EP300: variants seen among roughly 807,000 people sequenced by gnomAD.
EP300 encodes EP300 lysine acetyltransferase.
Under a neutral mutation model 264.0 loss-of-function variants are expected in EP300, and 31 were observed. That is an observed-to-expected ratio of 0.12 (90% confidence interval 0.09 to 0.16). The LOEUF (loss-of-function observed/expected upper bound fraction) is 0.16. EP300 is among the 10% of genes least tolerant of loss of function. The probability of loss-of-function intolerance (pLI) is 1.00; values close to 1 mark genes in which losing one functional copy is unlikely to be tolerated. For missense variants in EP300, 2,766 were observed against 3,052.9 expected (o/e 0.91, Z 2.21); for synonymous variants, 1,340 against 1,045.4 (o/e 1.28, Z -5.44).
intron 6 of EP300, among the ~76,000 whole-genome samples, chr22:41,132,949 A>T (rs913773434): frequency 6.6e-6 from 1 of 152,210 alleles, no homozygotes; most frequent in African/African-American, 2.4e-5. Flanking sequence ...AAAATCAAAC[A>T]GCTTTTTTCT....
rs2059135828 is a variant in EP300 at position 41,166,587 on chromosome 22, G to T, written c.3807-12G>T. The stretch of plus-strand genomic sequence containing the variant: ...TCTAAGTTGTGTAAGCAAAGTTTTG[G>T]TTTACATTTAGATTCGTCTGTGATG... On this transcript the variant is annotated splice_polypyrimidine_tract_variant and intron_variant, in intron 22 of 30. Coordinates refer to ENST00000263253, the MANE Select transcript of EP300 (RefSeq NM_001429.4). 5.6e-6 allele frequency: 9 copies of T among 1,611,314 alleles called. No individual in the cohort carries two copies. Among genetic ancestry groups the T allele is most frequent in the Non-Finnish European group, 7.6e-6 (9 of 1,178,094 alleles).
chr22:41,157,482 G>T, intron 18 of EP300, 74 bp downstream of exon 18: 21 of 982,480 alleles, frequency 2.1e-5, no homozygotes, highest in Middle Eastern at 2.7e-4. Context: ...ACTGGGATAA[G>T]AGAATATCCT....
At chr22:41,149,296 A>G in intron 13 of EP300, 121 bp downstream of exon 13, 1 of 1,205,546 alleles carries the variant, frequency 8.3e-7, no homozygotes, top group South Asian at 1.3e-5. Context: ...TTTAAAAAAT[A>G]ACAATTTTGG....
chr22:41,139,595 T>TA (rs1350038527), intron 8 of EP300, among the ~76,000 whole-genome samples: 1 of 152,214 alleles, frequency 6.6e-6, no homozygotes, highest in African/African-American at 2.4e-5. Flanking sequence ...TCATAAGAGA[T>TA]ACTAGTGCAA....
intron 1 of EP300, among the ~76,000 whole-genome samples, chr22:41,099,955 G>A (rs754432544): frequency 4.6e-5 from 7 of 152,178 alleles, no homozygotes; most frequent in South Asian, 2.1e-4. Flanking sequence ...TGTGGCTCAC[G>A]CCTGTAATCC....
chr22:41,131,599 G>C lies in EP300; in HGVS notation c.1494G>C (p.Gln498His). The change falls in exon 6 of 31, where the codon CAG (glutamine) becomes CAC (histidine). Residue 498 changes from glutamine to histidine, a missense_variant. Physicochemically the swap from Gln to His is conservative, Grantham distance 24. Coordinates refer to ENST00000263253, the MANE Select transcript of EP300 (RefSeq NM_001429.4). Reference protein sequence around the residue: ...AKNQQNQQPGQSPQGMRPMSN... With the variant: ...AKNQQNQQPGHSPQGMRPMSN... ...ACCAGCAGAATCAGCAGCCTGGGCA[G>C]TCTCCCCAAGGCATGCGGCCCATGA... 1 of 1,614,120 alleles carries C rather than the reference G, an allele frequency of 6.2e-7. No homozygotes were observed.
chr22:41,134,645 C>T (rs1410274850), intron 6 of EP300, among the ~76,000 whole-genome samples: 1 of 152,080 alleles, frequency 6.6e-6, no homozygotes, highest in African/African-American at 2.4e-5. Flanking sequence ...TCGCCTGCCT[C>T]GACCTCCCAA....
intron 23 of EP300, among the ~76,000 whole-genome samples, chr22:41,167,167 T>A (rs1370060782): frequency 6.6e-6 from 1 of 152,198 alleles, no homozygotes; most frequent in Non-Finnish European, 1.5e-5. Flanking sequence ...CCAGCTAATT[T>A]TTGTAATTTA....
chr22:41,098,219 C>G (rs2058712617), intron 1 of EP300, among the ~76,000 whole-genome samples: 1 of 151,966 alleles, frequency 6.6e-6, no homozygotes, highest in Non-Finnish European at 1.5e-5. Context: ...ACGGTAGTTT[C>G]ATTTTGAAAT....
At chr22:41,121,302 A>C (rs2058850976) in intron 2 of EP300, among the ~76,000 whole-genome samples, 1 of 152,190 alleles carries the variant, frequency 6.6e-6, no homozygotes, top group South Asian at 2.1e-4. Context: ...TCTGGAGCAT[A>C]TTAGCTATGG....
chr22:41,152,019 G>T lies in EP300; in HGVS notation c.2997+7G>T. On this transcript the variant is annotated splice_region_variant and intron_variant, in intron 15 of 30. Transcript: ENST00000263253. ...GCCGGAGGATATTTCAGAGGTGAGA[G>T]TAGGGCAATTACTGTTTGATTTGGT... 1 of 1,614,178 alleles carries T rather than the reference G, an allele frequency of 6.2e-7. No individual in the cohort carries two copies. Among genetic ancestry groups the T allele is most frequent in the Non-Finnish European group, 8.5e-7 (1 of 1,180,012 alleles).
intron 16 of EP300, among the ~76,000 whole-genome samples, chr22:41,154,342 G>GCAT (rs2059063966): frequency 7.1e-6 from 1 of 141,806 alleles, no homozygotes. Flanking sequence ...TTGCTTGACT[G>GCAT]CATCTCCCTC....
Position 41,152,015 on chromosome 22 carries a change from G to A in EP300, c.2997+3G>A, listed in dbSNP as rs1395035300. ...CTCAGCCGGAGGATATTTCAGAGGT[G>A]AGAGTAGGGCAATTACTGTTTGATT... On this transcript the variant is annotated splice_donor_region_variant and intron_variant, in intron 15 of 30. Transcript: ENST00000263253. 1 of 1,614,060 alleles carries A rather than the reference G, an allele frequency of 6.2e-7. No individual in the cohort carries two copies. Among genetic ancestry groups the A allele is most frequent in the African/African-American group, 1.3e-5 (1 of 74,920 alleles).
chr22:41,165,643 G>C (rs756827309), intron 22 of EP300, among the ~76,000 whole-genome samples: 1 of 152,146 alleles, frequency 6.6e-6, no homozygotes, highest in African/African-American at 2.4e-5. Context: ...GGCTGGTCTT[G>C]AACTCCCGAC....
chr22:41,149,497 A>T (rs566169774), intron 13 of EP300, among the ~76,000 whole-genome samples: 2 of 152,098 alleles, frequency 1.3e-5, no homozygotes, highest in African/African-American at 4.8e-5. Flanking sequence ...GCCCTAGAGC[A>T]CTCTGCACTC....
chr22:41,132,573 T>C (rs11912447), intron 6 of EP300, among the ~76,000 whole-genome samples: 13,245 of 152,026 alleles, frequency 0.087, 1,738 homozygotes, highest in African/African-American at 0.28. Context: ...AGGCGTGAGC[T>C]ACTGCACCCG....
intron 1 of EP300, among the ~76,000 whole-genome samples, chr22:41,098,722 G>T (rs912334347): frequency 6.6e-6 from 1 of 152,160 alleles, no homozygotes; most frequent in Non-Finnish European, 1.5e-5. Context: ...GTACTGAAAA[G>T]AGTAAGAGAG....
Position 41,126,014 on chromosome 22 carries a change from G to A in EP300, c.880G>A (p.Val294Ile), listed in dbSNP as rs751473003. Residue 294 changes from valine (V) to isoleucine (I), a missense_variant, in exon 3 of 31, where the codon GTT (valine) becomes ATT (isoleucine). Transcript: ENST00000263253. ...LSPFAMDKKA[V>I]PGGGMPNMGQ... The stretch of plus-strand genomic sequence containing the variant: ...TCCATTTGCTATGGACAAAAAGGCA[G>A]TTCCTGGTGGAGGAATGCCCAACAT... The A allele has an allele frequency of 6.2e-7, 1 of 1,614,038 alleles. No individual in the cohort carries two copies. Among genetic ancestry groups the A allele is most frequent in the African/African-American group, 1.3e-5 (1 of 74,906 alleles).
At chr22:41,129,393 C>G (rs990915641) in intron 4 of EP300, among the ~76,000 whole-genome samples, 1 of 152,148 alleles carries the variant, frequency 6.6e-6, no homozygotes, top group Non-Finnish European at 1.5e-5. Context: ...TGTGGTGATC[C>G]TCATAGACTT....
Sources: allele counts gnomAD v4.1 joint callset (sites outside exome capture counted in the v4.1 genomes callset), GRCh38; gene constraint gnomAD v4.1.1; transcripts MANE v1.5; gene names NCBI Gene and HGNC (gene_info 2026-07-23, HGNC 2026-07-21).